MITD1: variants seen among roughly 807,000 people sequenced by gnomAD.
The protein encoded by MITD1 is microtubule interacting and trafficking domain containing 1.
A neutral mutation model predicts 34.9 loss-of-function variants in MITD1; 24 were observed. The ratio of observed to expected loss-of-function variants is 0.69; its 90% CI spans 0.50 to 0.97. MITD1 has a LOEUF of 0.97. Among genes scored for constraint, MITD1 ranks in the 50% least tolerant of loss-of-function variants. MITD1 has a pLI of 0.00. For synonymous variants in MITD1, 102 were observed against 101.4 expected (o/e 1.01, Z -0.04); for missense variants, 266 against 294.6 (o/e 0.90, Z 0.71).
rs545648090 is a variant in MITD1, at chr2:99,170,672, G to A, written c.478-20C>T. ...AATGCCCTGTTAATAGCAAAAATAC[G>A]ATTATCTGCCGCAGTTATTATTACT... On this transcript the variant is annotated intron_variant, in intron 4 of 6. Coordinates refer to ENST00000289359, the MANE Select transcript of MITD1 (RefSeq NM_138798.3). The A allele has an allele frequency of 3.1e-5, 35 of 1,140,940 alleles. No individual in the cohort carries two copies. The highest frequency in any genetic ancestry group is 2.5e-4 in the South Asian group (20 of 79,468). 70.7% of individuals were successfully genotyped at this position (1,140,940 alleles called of 1,614,324 possible).
chr2:99,180,255 CAG>C (rs951732849), intron 1 of MITD1, among the ~76,000 whole-genome samples: 14 of 152,140 alleles, frequency 9.2e-5, no homozygotes, highest in African/African-American at 3.4e-4. Flanking sequence ...AATGTTTAAA[CAG>C]AAAATTAAAA....
intron 1 of MITD1, 51 bp from the exon 2 acceptor site, chr2:99,174,067 T>A: frequency 1.0e-6 from 1 of 974,950 alleles, no homozygotes; most frequent in Non-Finnish European, 1.5e-6. Context: ...TTTTTCTATT[T>A]AATTTGGGCA....
At chr2:99,176,122 T>C (rs543978219) in intron 1 of MITD1, among the ~76,000 whole-genome samples, 1 of 152,202 alleles carries the variant, frequency 6.6e-6, no homozygotes, top group East Asian at 1.9e-4. Context: ...TGTATTTCTT[T>C]TCTATTTTCT....
chr2:99,173,008 T>C (rs1159634329), intron 2 of MITD1: 5 of 152,500 alleles, frequency 3.3e-5, no homozygotes, highest in Non-Finnish European at 7.3e-5. Flanking sequence ...TGCCTTATTT[T>C]TTAAGCCAAG....
chr2:99,161,870 T>A, downstream of MITD1: 1 of 1,240,610 alleles, frequency 8.1e-7, no homozygotes, highest in African/African-American at 1.5e-5. Context: ...AAGTTTGGAT[T>A]AAATAACCGA....
intron 1 of MITD1, among the ~76,000 whole-genome samples, chr2:99,178,909 C>A (rs1469009354): frequency 6.6e-6 from 1 of 152,192 alleles, no homozygotes; most frequent in Non-Finnish European, 1.5e-5. Context: ...CATGCTCAAC[C>A]AAACTACTTA....
At chr2:99,168,490 C>T (rs117890513), downstream of MITD1, among the ~76,000 whole-genome samples, 15 of 152,336 alleles carry the variant, frequency 9.8e-5, no homozygotes, top group East Asian at 2.9e-3. Flanking sequence ...CATACAACCC[C>T]TCTTCAGCCT....
At chr2:99,170,071 C>T (rs1327650179) in intron 5 of MITD1, among the ~76,000 whole-genome samples, 1 of 152,186 alleles carries the variant, frequency 6.6e-6, no homozygotes. Flanking sequence ...AACATAACCA[C>T]TGTGCTAAAC....
intron 1 of MITD1, among the ~76,000 whole-genome samples, chr2:99,176,335 C>CT (rs34969455): frequency 0.5 from 72,489 of 143,598 alleles, 19,741 homozygotes; most frequent in Middle Eastern, 0.71. Context: ...AATTCATAAA[C>CT]TTTTTTTTTT....
intron 1 of MITD1, among the ~76,000 whole-genome samples, chr2:99,176,728 G>T (rs1307258466): frequency 5.3e-5 from 8 of 152,136 alleles, no homozygotes; most frequent in Non-Finnish European, 1.2e-4. Flanking sequence ...GTTAGTGTTA[G>T]TGTATTTTAC....
Position 99,169,381 on chromosome 2 carries a change from A to AT in MITD1, c.743dup (p.Asn248LysfsTer28). 1 of 1,438,092 alleles carries AT rather than the reference A, an allele frequency of 7.0e-7. No individual in the cohort carries two copies. The allele number at this position is 1,438,092 out of a possible 1,614,324, so 89.1% of individuals were successfully genotyped here. ...CAAATTAGGCTACCACCCATCATAT[A>AT]TTTTTTGTATGCTTCTTATGAAAAA... On this transcript the variant is annotated frameshift_variant, in exon 7 of 7. Coordinates refer to ENST00000289359, the MANE Select transcript of MITD1 (RefSeq NM_138798.3). LOFTEE classifies it high-confidence loss of function.
chr2:99,170,681 C>A, intron 4 of MITD1, 29 bp from the exon 5 acceptor site: 1 of 1,055,928 alleles, frequency 9.5e-7, no homozygotes, highest in South Asian at 1.3e-5. Flanking sequence ...CGATTATCTG[C>A]CGCAGTTATT....
At chr2:99,167,678 G>T (rs113752475), downstream of MITD1, among the ~76,000 whole-genome samples, 64 of 152,232 alleles carry the variant, frequency 4.2e-4, no homozygotes, top group African/African-American at 1.4e-3. Context: ...ATTTCCACGT[G>T]GCATCGGGTA....
At position 99,162,257 on chromosome 2, in the gene MITD1, A is replaced by T. The variant is rs749692463; in HGVS notation, c.*4-39T>A. 1.9e-6 allele frequency: 3 copies of T among 1,613,486 alleles called. No individual in the cohort carries two copies. The South Asian group carries it at 3.3e-5, about 18-fold the overall frequency. ...AAGGTATAAAACTGGCTCGGAGAAG[A>T]AGTGGAGGAGGAACAGTCTACCATG... On this transcript the variant is annotated intron_variant, in intron 7 of 7. Transcript: ENST00000422537.
intron 1 of MITD1, among the ~76,000 whole-genome samples, chr2:99,177,631 T>G (rs184271108): frequency 6.6e-6 from 1 of 152,256 alleles, no homozygotes; most frequent in Admixed American, 6.5e-5. Context: ...GTCACCCTAT[T>G]GTGTAATAAG....
At chr2:99,173,182 C>A in intron 2 of MITD1, 1 of 168,636 alleles carries the variant, frequency 5.9e-6, no homozygotes, top group Non-Finnish European at 1.3e-5. Flanking sequence ...GTGGGGGGTC[C>A]CCAGGGTATG....
intron 5 of MITD1, 106 bp downstream of exon 5, chr2:99,170,431 A>G (rs2093849507): frequency 3.6e-6 from 1 of 275,390 alleles, no homozygotes; most frequent in Non-Finnish European, 6.7e-6. Flanking sequence ...TTGAATTTTA[A>G]ATATTTATAA....
At chr2:99,162,133 G>C in exon 8 of MITD1, 1 of 1,614,054 alleles carries the variant, frequency 6.2e-7, no homozygotes, top group Non-Finnish European at 8.5e-7. Context: ...AATCTAGAAG[G>C]CAAACCAATT....
downstream of MITD1, chr2:99,161,445 A>G (rs1054223075): frequency 6.6e-6 from 1 of 150,846 alleles, no homozygotes; most frequent in Non-Finnish European, 1.5e-5. Flanking sequence ...GATTAGGACT[A>G]TCAATGCTTT....
Sources: allele counts gnomAD v4.1 joint callset (sites outside exome capture counted in the v4.1 genomes callset), GRCh38; gene constraint gnomAD v4.1.1; transcripts MANE v1.5; gene names NCBI Gene and HGNC (gene_info 2026-07-23, HGNC 2026-07-21).